The following BRD7 variants were observed in gnomAD, a reference collection of about 807,000 sequenced individuals.
BRD7 encodes the protein bromodomain containing 7.
A neutral mutation model predicts 82.1 loss-of-function variants in BRD7; 15 were observed. The observed-to-expected ratio is 0.18, with a 90% CI of 0.12 to 0.28. BRD7 has a LOEUF of 0.28. Among genes scored for constraint, BRD7 ranks in the 10% least tolerant of loss-of-function variants. The pLI, the probability that BRD7 is intolerant of heterozygous loss-of-function variation, is 1.00. For synonymous variants in BRD7, 232 were observed against 266.9 expected, an observed-to-expected ratio of 0.87 and a Z score of 1.27; for missense variants, 638 against 779.9, an observed-to-expected ratio of 0.82 and a Z score of 2.17.
chr16:50,336,586 A>G (rs1369335725), intron 6 of BRD7, among the ~76,000 whole-genome samples: 1 of 152,196 alleles, frequency 6.6e-6, no homozygotes, highest in Admixed American at 6.5e-5. Flanking sequence ...AAAAACAAAA[A>G]ACACAAACAA....
chr16:50,368,356 G>C (rs1357859189), intron 1 of BRD7, 58 bp from the exon 2 acceptor site: 10 of 1,560,464 alleles, frequency 6.4e-6, no homozygotes, highest in Non-Finnish European at 8.7e-6. Context: ...GGGCTCTCCA[G>C]GGAGTGCTAA....
chr16:50,356,638 C>A (rs569008142), intron 2 of BRD7, among the ~76,000 whole-genome samples: 2 of 151,758 alleles, frequency 1.3e-5, no homozygotes, highest in Non-Finnish European at 2.9e-5. Flanking sequence ...TACAGTGGTT[C>A]TATCAGAAGG....
chr16:50,367,956 C>A, intron 2 of BRD7, 134 bp downstream of exon 2: 2 of 888,142 alleles, frequency 2.3e-6, no homozygotes, highest in Non-Finnish European at 1.8e-6. Context: ...TGTCTCTATT[C>A]TGTCCTGCTC....
In BRD7 at chr16:50,368,809, A is replaced by C. The variant is rs753370367; in HGVS notation, c.-35T>G. On this transcript the variant is annotated 5_prime_UTR_variant, in exon 1 of 17. Coordinates refer to ENST00000394688, the MANE Select transcript of BRD7 (RefSeq NM_013263.5). ...GGCCCCGGTGCCCGCCCCCCGCGCC[A>C]GGCCCAGGCCGTGCGGCGCCGCTTC... The C allele has an allele frequency of 2.7e-6, 4 of 1,462,942 alleles. No individual in the cohort carries two copies. In the Admixed American group the frequency reaches 8.9e-5, roughly 33 times the overall value. 90.6% of individuals were successfully genotyped at this position (1,462,942 alleles called of 1,614,324 possible).
intron 2 of BRD7, among the ~76,000 whole-genome samples, chr16:50,357,944 C>T (rs1339957519): frequency 1.3e-5 from 2 of 152,080 alleles, no homozygotes; most frequent in African/African-American, 4.8e-5. Context: ...CGCATCACTG[C>T]ACTCCAGCCT....
intron 13 of BRD7, among the ~76,000 whole-genome samples, chr16:50,321,422 C>T (rs909174212): frequency 1.3e-5 from 2 of 151,892 alleles, no homozygotes; most frequent in African/African-American, 4.8e-5. Flanking sequence ...AAAAATTTAG[C>T]TGGGCATGGT....
At position 50,354,861 on chromosome 16, in the gene BRD7, C is replaced by A; in HGVS notation, c.320G>T (p.Cys107Phe). ...VENEAEKDLQ[C>F]HAPVRLDLPP... ...CAAGTCTAATCTCACAGGGGCGTGA[C>A]ACTGGAGATCTTTTTCTGCCTCATT... Residue 107 changes from cysteine (C) to phenylalanine (F), a missense_variant, in exon 3 of 17, where the codon TGT becomes TTT. This residue lies in a region of BRD7 where 172 missense variants were observed against 155.3 expected (regional missense o/e 1.11). Transcript: ENST00000394688. The A allele has an allele frequency of 6.2e-7, 1 of 1,613,452 alleles. No individual in the cohort carries two copies. Among genetic ancestry groups the A allele is most frequent in the South Asian group, 1.1e-5 (1 of 91,054 alleles).
intron 10 of BRD7, 67 bp downstream of exon 10, chr16:50,326,217 C>T (rs989344639): frequency 3.4e-5 from 44 of 1,287,858 alleles, no homozygotes; most frequent in South Asian, 2.8e-4. Flanking sequence ...AAAGCATAAT[C>T]GTGCTTCCTT....
chr16:50,361,233 T>C (rs933466799), intron 2 of BRD7, among the ~76,000 whole-genome samples: 2 of 152,238 alleles, frequency 1.3e-5, no homozygotes, highest in Non-Finnish European at 2.9e-5. Context: ...TTAGTATAGA[T>C]AGTGCTTTAA....
chr16:50,332,765 G>A (rs956286276), intron 8 of BRD7, among the ~76,000 whole-genome samples: 7 of 152,116 alleles, frequency 4.6e-5, no homozygotes, highest in African/African-American at 1.7e-4. Flanking sequence ...TAAAGAAAAT[G>A]CGGTACACAC....
chr16:50,332,073 GCCTCGGCAAAGAATTTT>G (rs769874350), intron 8 of BRD7, among the ~76,000 whole-genome samples: 11 of 152,112 alleles, frequency 7.2e-5, no homozygotes, highest in Non-Finnish European at 1.2e-4. Context: ...CTGGACATGG[GCCTCGGCAAAGAATTTT>G]CTATGTTCTC....
At chr16:50,363,620 G>C (rs1333357239) in intron 2 of BRD7, among the ~76,000 whole-genome samples, 2 of 150,694 alleles carry the variant, frequency 1.3e-5, no homozygotes, top group Non-Finnish European at 3.0e-5. Flanking sequence ...TTGAAAAATT[G>C]TAAGGCTTTA....
At chr16:50,323,226 G>A (rs1357919745) in intron 12 of BRD7, among the ~76,000 whole-genome samples, 1 of 152,216 alleles carries the variant, frequency 6.6e-6, no homozygotes, top group Non-Finnish European at 1.5e-5. Flanking sequence ...TGCTATTACT[G>A]CACGAGGAAA....
At position 50,323,715 on chromosome 16, in the gene BRD7, G is replaced by T. The variant is rs1276511665; in HGVS notation, c.1332-17C>A. Reference sequence around the variant, plus strand: ...TCATGGATGCTGCAAGAGACAGTTAGGAAAGTCTCACATAAATCACCTCCA... The same window carrying T: ...TCATGGATGCTGCAAGAGACAGTTATGAAAGTCTCACATAAATCACCTCCA... On this transcript the variant is annotated splice_polypyrimidine_tract_variant and intron_variant, in intron 11 of 16. Coordinates refer to ENST00000394688, the MANE Select transcript of BRD7 (RefSeq NM_013263.5). 1 of 1,593,010 alleles carries T rather than the reference G, an allele frequency of 6.3e-7. No homozygotes were observed. The highest frequency in any genetic ancestry group is 1.1e-5 in the South Asian group (1 of 90,568).
At chr16:50,323,110 T>C (rs569822109) in intron 12 of BRD7, among the ~76,000 whole-genome samples, 3 of 152,362 alleles carry the variant, frequency 2.0e-5, no homozygotes, top group South Asian at 4.1e-4. Flanking sequence ...CTCTGAATGA[T>C]TCCAGATTAC....
Position 50,323,717 on chromosome 16 carries a change from A to G in BRD7, c.1332-19T>C. ...ATGGATGCTGCAAGAGACAGTTAGG[A>G]AAGTCTCACATAAATCACCTCCACT... On this transcript the variant is annotated intron_variant, in intron 11 of 16. Coordinates refer to ENST00000394688, the MANE Select transcript of BRD7 (RefSeq NM_013263.5). The G allele has an allele frequency of 5.7e-6, 9 of 1,581,510 alleles. No homozygotes were observed. Among genetic ancestry groups the G allele is most frequent in the Non-Finnish European group, 7.8e-6 (9 of 1,150,794 alleles).
intron 5 of BRD7, among the ~76,000 whole-genome samples, chr16:50,344,257 T>C (rs986735207): frequency 6.6e-6 from 1 of 152,138 alleles, no homozygotes; most frequent in East Asian, 1.9e-4. Context: ...ACTCCATCTG[T>C]ATGTCACCAT....
intron 2 of BRD7, among the ~76,000 whole-genome samples, chr16:50,364,657 C>G (rs2039068807): frequency 6.6e-6 from 1 of 152,166 alleles, no homozygotes; most frequent in Non-Finnish European, 1.5e-5. Context: ...GTGGCTGGAA[C>G]ACAGGGGGGA....
rs150580837 is a variant in BRD7, at chr16:50,325,617, T to C, written c.1331+131A>G. The C allele has an allele frequency of 9.7e-4, 730 of 756,382 alleles. 7 individuals are homozygous for C. In the African/African-American group the frequency reaches 0.012, roughly 13 times the overall value. The allele number at this position is 756,382 out of a possible 1,614,324, so 46.9% of individuals were successfully genotyped here. On this transcript the variant is annotated intron_variant, in intron 11 of 16. Coordinates refer to ENST00000394688, the MANE Select transcript of BRD7 (RefSeq NM_013263.5). ...AATAGTAACTATGAATCCATTATTG[T>C]CAGCTTAAAAAAAAATTACTGAGCA...
Sources: gnomAD v4.1 joint callset for allele counts (sites outside exome capture counted in the v4.1 genomes callset) on GRCh38, gnomAD v4.1.1 for gene constraint, gnomAD v4.1.1 regional missense constraint, MANE v1.5 for transcripts, NCBI Gene and HGNC (gene_info 2026-07-23, HGNC 2026-07-21) for gene names.